The following GPM6A variants were observed in gnomAD, a reference collection of about 807,000 sequenced individuals.
GPM6A encodes the protein glycoprotein M6A.
In GPM6A, 7 loss-of-function variants were observed where a neutral mutation model predicts 32.1. The observed-to-expected ratio is 0.22, with a 90% CI of 0.12 to 0.41. The LOEUF (loss-of-function observed/expected upper bound fraction) is 0.41, where lower values mean the gene tolerates loss of function less well. Among genes scored for constraint, GPM6A ranks in the 10% least tolerant of loss-of-function variants. The pLI, the probability that GPM6A is intolerant of heterozygous loss-of-function variation, is 1.00. For missense variants in GPM6A, 235 were observed against 347.2 expected (o/e 0.68, Z 2.57); for synonymous variants, 130 against 123.4 (o/e 1.05, Z -0.35).
At chr4:175,787,587 C>G in intron 1 of GPM6A, 1 of 1,351,334 alleles carries the variant, frequency 7.4e-7, no homozygotes, top group Non-Finnish European at 9.5e-7. Context: ...GTACAGATTT[C>G]TAATTCAGCT....
chr4:175,665,377 T>A (rs543660491), intron 3 of GPM6A, among the ~76,000 whole-genome samples: 2 of 152,020 alleles, frequency 1.3e-5, no homozygotes, highest in Non-Finnish European at 2.9e-5. Context: ...TAACTCAGGA[T>A]GACACATCAA....
chr4:175,684,706 C>T (rs1408289055), intron 2 of GPM6A, among the ~76,000 whole-genome samples: 3 of 152,026 alleles, frequency 2.0e-5, no homozygotes, highest in South Asian at 4.1e-4. Context: ...TTTATCTGTT[C>T]GGTCCTTTCC....
At chr4:175,714,327 A>AT (rs897092882) in intron 1 of GPM6A, among the ~76,000 whole-genome samples, 4 of 152,284 alleles carry the variant, frequency 2.6e-5, no homozygotes, top group Admixed American at 2.6e-4. Flanking sequence ...ATCAACAAGA[A>AT]TTTTTTTAAC....
At chr4:175,648,650 A>G (rs541538086) in intron 4 of GPM6A, among the ~76,000 whole-genome samples, 1 of 152,232 alleles carries the variant, frequency 6.6e-6, no homozygotes, top group South Asian at 2.1e-4. Context: ...AGGCCCTAGA[A>G]GCAGGAGCAG....
Position 175,990,516 on chromosome 4 carries a change from C to T in GPM6A, c.-23+11793G>A, listed in dbSNP as rs113710919. 5.1e-3 allele frequency among the ~76,000 whole-genome samples: 783 copies of T among 152,222 alleles called. 7 individuals are homozygous for T. Among genetic ancestry groups the T allele is most frequent in the African/African-American group, 0.017 (718 of 41,532 alleles). On this transcript the variant is annotated intron_variant, in intron 1 of 7. Coordinates refer to the GPM6A transcript ENST00000280187. ...GAAATTATACTTACCCTGCATCCTT[C>T]GTTACGTCATTATGTGCAGAGCAAG...
At chr4:175,950,522 T>A (rs2126372642) in intron 1 of GPM6A, among the ~76,000 whole-genome samples, 1 of 152,310 alleles carries the variant, frequency 6.6e-6, no homozygotes, top group African/African-American at 2.4e-5. Context: ...GGAAAGGAAT[T>A]GCAAGATGAT....
At chr4:175,737,752 G>A (rs1030071351) in intron 1 of GPM6A, among the ~76,000 whole-genome samples, 4 of 152,108 alleles carry the variant, frequency 2.6e-5, no homozygotes, top group African/African-American at 7.2e-5. Context: ...GATGAAGGGC[G>A]AAGGGGAGCA....
intron 1 of GPM6A, among the ~76,000 whole-genome samples, chr4:175,734,206 G>T (rs2111150015): frequency 6.7e-6 from 1 of 149,528 alleles, no homozygotes; most frequent in South Asian, 2.1e-4. Context: ...CTTCTTACTT[G>T]CAACTCTTCA....
chr4:175,645,557 C>T (rs1471873309), intron 4 of GPM6A, among the ~76,000 whole-genome samples: 1 of 151,886 alleles, frequency 6.6e-6, no homozygotes, highest in East Asian at 1.9e-4. Context: ...CCCGTCTCTA[C>T]TAAAAAAACA....
intron 1 of GPM6A, chr4:176,002,204 G>T: frequency 8.1e-7 from 1 of 1,238,462 alleles, no homozygotes; most frequent in Non-Finnish European, 1.2e-6. Flanking sequence ...AACAGAGCTG[G>T]GAAGGACGCA....
At chr4:175,979,899 T>C (rs528370545) in intron 1 of GPM6A, among the ~76,000 whole-genome samples, 2 of 152,344 alleles carry the variant, frequency 1.3e-5, no homozygotes, top group Admixed American at 1.3e-4. Context: ...GTTTTACATC[T>C]ACTCCTCTGC....
chr4:175,683,873 C>T (rs1174022701), intron 2 of GPM6A, among the ~76,000 whole-genome samples: 1 of 151,336 alleles, frequency 6.6e-6, no homozygotes, highest in African/African-American at 2.4e-5. Context: ...CTCTTGTCTT[C>T]CAGGTTGGAG....
intron 1 of GPM6A, among the ~76,000 whole-genome samples, chr4:175,863,692 C>A (rs1736642104): frequency 1.3e-5 from 2 of 152,056 alleles, no homozygotes; most frequent in South Asian, 4.1e-4. Flanking sequence ...ATGTTGCCAC[C>A]AGCAATGTAT....
rs1275213136 is a variant in GPM6A, at chr4:175,984,470, G to C, written c.-23+17839C>G. Reference sequence around the variant, plus strand: ...GAGCCACCGCGCCCAGCCCTCTCCTGTTCTTTTATTTGCTCATTTTCTATT... The same window carrying C: ...GAGCCACCGCGCCCAGCCCTCTCCTCTTCTTTTATTTGCTCATTTTCTATT... On this transcript the variant is annotated intron_variant, in intron 1 of 7. Transcript: ENST00000280187. Among the ~76,000 whole-genome samples the C allele has an allele frequency of 4.0e-5, 6 of 151,842 alleles. No homozygotes were observed. In the East Asian group the frequency reaches 7.7e-4, roughly 20 times the overall value.
rs1324269132 is a variant in GPM6A, at chr4:175,931,709, C to CACATATAT, written c.-23+70599_-23+70600insATATATGT. 9.0e-3 allele frequency among the ~76,000 whole-genome samples: 1,156 copies of CACATATAT among 129,090 alleles called. 19 individuals are homozygous for CACATATAT. Among genetic ancestry groups the CACATATAT allele is most frequent in the African/African-American group, 0.031 (1,091 of 34,708 alleles). 84.7% of individuals were successfully genotyped at this position (129,090 alleles called of 152,430 possible). On this transcript the variant is annotated intron_variant, in intron 1 of 7. Transcript: ENST00000280187. ...ACACACACACACACACACACACACACATATATATATATATATATAGCAGAA... is the reference window on the plus strand; with the variant it reads ...ACACACACACACACACACACACACACACATATATATATATATATATATATATAGCAGAA...
chr4:175,904,400 A>T (rs1198734627), intron 1 of GPM6A, among the ~76,000 whole-genome samples: 2 of 152,212 alleles, frequency 1.3e-5, no homozygotes, highest in African/African-American at 4.8e-5. Context: ...TATTTTACAG[A>T]TACATGTACA....
At chr4:175,836,756 A>G (rs1735781090) in intron 1 of GPM6A, among the ~76,000 whole-genome samples, 1 of 152,184 alleles carries the variant, frequency 6.6e-6, no homozygotes, top group Admixed American at 6.5e-5. Context: ...TACAATGACA[A>G]TGGGGTATAT....
At chr4:175,827,392 G>A (rs1735472323) in intron 1 of GPM6A, among the ~76,000 whole-genome samples, 1 of 152,124 alleles carries the variant, frequency 6.6e-6, no homozygotes, top group South Asian at 2.1e-4. Context: ...ATAACCCTGT[G>A]AGGTACATAG....
intron 1 of GPM6A, chr4:175,781,140 A>T (rs79134550): frequency 4.0e-5 from 6 of 149,962 alleles, no homozygotes; most frequent in African/African-American, 1.5e-4. Flanking sequence ...TAAAAAAAAA[A>T]TAGAACAAAA....
Sources: allele counts gnomAD v4.1 joint callset (sites outside exome capture counted in the v4.1 genomes callset), GRCh38; gene constraint gnomAD v4.1.1; transcripts MANE v1.5; gene names NCBI Gene and HGNC (gene_info 2026-07-23, HGNC 2026-07-21).